The following NRG1 variants were observed in gnomAD, a reference collection of about 807,000 sequenced individuals.
The protein encoded by NRG1 is pro-neuregulin-1, membrane-bound isoform.
NRG1 carries 18 observed loss-of-function variants against 63.8 expected under a neutral mutation model. That is an observed-to-expected ratio of 0.28 (90% confidence interval 0.19 to 0.42). NRG1 has a LOEUF of 0.42. NRG1 is among the 10% of genes least tolerant of loss of function. The probability of loss-of-function intolerance (pLI) is 1.00; values close to 1 mark genes in which losing one functional copy is unlikely to be tolerated. For synonymous variants in NRG1, 302 were observed against 301.3 expected, an observed-to-expected ratio of 1.00 and a Z score of -0.02; for missense variants, 762 against 814.7, an observed-to-expected ratio of 0.94 and a Z score of 0.79.
At chr8:31,754,007 A>G (rs1816729511) in intron 1 of NRG1, among the ~76,000 whole-genome samples, 1 of 152,142 alleles carries the variant, frequency 6.6e-6, no homozygotes, top group East Asian at 1.9e-4. Context: ...TAAAGATGTT[A>G]AAGTATGTTG....
At chr8:32,234,942 G>C (rs1053062072) in intron 1 of NRG1, among the ~76,000 whole-genome samples, 6 of 151,712 alleles carry the variant, frequency 4.0e-5, no homozygotes, top group African/African-American at 1.5e-4. Flanking sequence ...TTCTTTCCAG[G>C]ACAAGTATGT....
chr8:31,875,287 G>A (rs1320280082), intron 1 of NRG1, among the ~76,000 whole-genome samples: 2 of 152,138 alleles, frequency 1.3e-5, no homozygotes, highest in African/African-American at 4.8e-5. Context: ...TCCGAATTGA[G>A]TTCATTAATA....
intron 1 of NRG1, among the ~76,000 whole-genome samples, chr8:32,130,014 C>T (rs1350770626): frequency 6.6e-6 from 1 of 151,856 alleles, no homozygotes; most frequent in Non-Finnish European, 1.5e-5. Context: ...AAGCTTCTAT[C>T]ATTTAAAAAA....
At chr8:31,840,277 C>CAT (rs1379836445) in intron 1 of NRG1, among the ~76,000 whole-genome samples, 4 of 150,822 alleles carry the variant, frequency 2.7e-5, no homozygotes, top group Non-Finnish European at 5.9e-5. Context: ...GTGGAGATGG[C>CAT]CCGAGTGCAG....
At chr8:32,592,753 G>C (rs115239843) in intron 1 of NRG1, among the ~76,000 whole-genome samples, 163 of 152,114 alleles carry the variant, frequency 1.1e-3, no homozygotes, top group African/African-American at 3.8e-3. Flanking sequence ...TGGTAAGGGG[G>C]GAAACATGGT....
chr8:32,450,930 C>G (rs1410473352), intron 1 of NRG1, among the ~76,000 whole-genome samples: 1 of 151,986 alleles, frequency 6.6e-6, no homozygotes, highest in Non-Finnish European at 1.5e-5. Context: ...CTTCCCAGAA[C>G]CATTTGAAGG....
chr8:32,387,997 C>T (rs375562827), intron 1 of NRG1, among the ~76,000 whole-genome samples: 270 of 152,302 alleles, frequency 1.8e-3, no homozygotes, highest in African/African-American at 6.3e-3. Flanking sequence ...AAAACAAAAA[C>T]AGACTTTCGG....
chr8:31,947,652 A>G (rs188035452), intron 1 of NRG1, among the ~76,000 whole-genome samples: 29 of 152,128 alleles, frequency 1.9e-4, no homozygotes, highest in African/African-American at 4.3e-4. Context: ...ACGTAGAAAT[A>G]CCACTTAATG....
At position 32,171,794 on chromosome 8, in the gene NRG1, G is replaced by A. The variant is rs576222662; in HGVS notation, c.38-424034G>A. Among the ~76,000 whole-genome samples the A allele has an allele frequency of 9.1e-3, 1,382 of 152,208 alleles. 23 individuals are homozygous for A. The highest frequency in any genetic ancestry group is 0.03 in the African/African-American group (1,229 of 41,532). On this transcript the variant is annotated intron_variant, in intron 1 of 10. Transcript: ENST00000519301. ...CAAACTGCCAGGCGGCAGTGAGGCTGGGGGAGGGACGCCCGCCATTGCCAA... is the reference window on the plus strand; with the variant it reads ...CAAACTGCCAGGCGGCAGTGAGGCTAGGGGAGGGACGCCCGCCATTGCCAA...
chr8:32,348,164 G>A (rs185295831), intron 1 of NRG1, among the ~76,000 whole-genome samples: 3 of 152,138 alleles, frequency 2.0e-5, no homozygotes, highest in East Asian at 1.9e-4. Flanking sequence ...TCTAATTATC[G>A]CTGCACAGCT....
At chr8:32,700,579 A>G (rs1814595622) in intron 5 of NRG1, among the ~76,000 whole-genome samples, 1 of 152,128 alleles carries the variant, frequency 6.6e-6, no homozygotes, top group Non-Finnish European at 1.5e-5. Flanking sequence ...AAACACAATA[A>G]ATCCTGGTTT....
chr8:31,643,452 T>C (rs1232406156), intron 1 of NRG1, among the ~76,000 whole-genome samples: 1 of 152,202 alleles, frequency 6.6e-6, no homozygotes, highest in African/African-American at 2.4e-5. Flanking sequence ...ATCTTTCCTC[T>C]TGAAATTCCT....
At chr8:32,653,765 AG>A (rs1855669239) in intron 5 of NRG1, among the ~76,000 whole-genome samples, 1 of 152,194 alleles carries the variant, frequency 6.6e-6, no homozygotes, top group Admixed American at 6.5e-5. Context: ...AATATTCCCA[AG>A]GGTTTTTCAT....
At chr8:32,427,691 A>T (rs1424488112) in intron 1 of NRG1, among the ~76,000 whole-genome samples, 1 of 152,192 alleles carries the variant, frequency 6.6e-6, no homozygotes, top group African/African-American at 2.4e-5. Flanking sequence ...GAAGAAAAAA[A>T]TGGGCTATTG....
intron 1 of NRG1, among the ~76,000 whole-genome samples, chr8:32,115,189 C>A (rs1445518531): frequency 6.6e-6 from 1 of 151,982 alleles, no homozygotes; most frequent in South Asian, 2.1e-4. Context: ...TACCACCATG[C>A]CTGGCTAAAT....
intron 1 of NRG1, among the ~76,000 whole-genome samples, chr8:32,203,188 CTTTTTTTTTTTTTTTTT>C (rs11311144): frequency 1.6e-5 from 1 of 61,462 alleles, no homozygotes; most frequent in Non-Finnish European, 3.1e-5. Context: ...AGCAAGCCAG[CTTTTTTTTTTTTTTTTT>C]TTTTTTTTAG....
chr8:32,562,042 G>A (rs1435380788), intron 1 of NRG1, among the ~76,000 whole-genome samples: 1 of 152,164 alleles, frequency 6.6e-6, no homozygotes, highest in Non-Finnish European at 1.5e-5. Flanking sequence ...TGGGAAGAAT[G>A]CCACTCTACA....
intron 1 of NRG1, among the ~76,000 whole-genome samples, chr8:31,718,467 T>C (rs748511947): frequency 6.6e-6 from 1 of 152,220 alleles, no homozygotes; most frequent in Non-Finnish European, 1.5e-5. Flanking sequence ...GTCACTTCCA[T>C]AAATACTGTG....
At chr8:31,956,327 ACTTT>A (rs1428974715) in intron 1 of NRG1, among the ~76,000 whole-genome samples, 56 of 152,234 alleles carry the variant, frequency 3.7e-4, no homozygotes, top group African/African-American at 1.3e-3. Flanking sequence ...GGAGAAGCTA[ACTTT>A]CATTAAGAGT....
Sources: allele counts gnomAD v4.1 joint callset (sites outside exome capture counted in the v4.1 genomes callset), GRCh38; gene constraint gnomAD v4.1.1; transcripts MANE v1.5; gene names NCBI Gene and HGNC (gene_info 2026-07-23, HGNC 2026-07-21).